Variants in FSCN2 observed in about 807,000 individuals in gnomAD.
The protein encoded by FSCN2 is fascin actin-bundling protein 2, retinal, also known as fascin-2.
Under a neutral mutation model 37.8 loss-of-function variants are expected in FSCN2, and 46 were observed. The ratio of observed to expected loss-of-function variants is 1.22; its 90% CI spans 0.96 to 1.56. The LOEUF is 1.56. Among genes scored for constraint, FSCN2 ranks in the 40% most tolerant of loss-of-function variants. The pLI, the probability that FSCN2 is intolerant of heterozygous loss-of-function variation, is 0.00. For synonymous variants in FSCN2, 351 were observed against 309.4 expected (o/e 1.13, Z -1.41); for missense variants, 844 against 730.4 (o/e 1.16, Z -1.79).
At position 81,528,795 on chromosome 17, in the gene FSCN2, C is replaced by T; in HGVS notation, c.264C>T (p.Cys88=). ...ACEAEQPGRD[C]RFLVLPQPDG... ...AGGCAGAGCAGCCGGGCCGTGACTG[C>T]CGCTTCCTGGTCCTGCCGCAGCCAG... The change falls in exon 1 of 5, where the codon TGC becomes TGT. Residue 88 remains cysteine, a synonymous_variant. Coordinates refer to ENST00000417245, the MANE Select transcript of FSCN2 (RefSeq NM_012418.4). The T allele has an allele frequency of 6.4e-7, 1 of 1,564,842 alleles. No homozygotes were observed. Among genetic ancestry groups the T allele is most frequent in the Non-Finnish European group, 8.6e-7 (1 of 1,156,946 alleles).
chr17:81,525,940 C>T (rs1555670047), upstream of FSCN2, among the ~76,000 whole-genome samples: 4 of 152,282 alleles, frequency 2.6e-5, no homozygotes, highest in South Asian at 2.1e-4. Flanking sequence ...CCCAGGCGCC[C>T]ACCCTTCAGT....
intron 1 of FSCN2, among the ~76,000 whole-genome samples, chr17:81,529,836 G>A (rs1278597684): frequency 6.6e-6 from 1 of 152,234 alleles, no homozygotes; most frequent in Non-Finnish European, 1.5e-5. Context: ...TTGAGACAGA[G>A]TCTCGCTCTG....
chr17:81,525,623 G>T (rs1297162439), upstream of FSCN2, among the ~76,000 whole-genome samples: 1 of 151,954 alleles, frequency 6.6e-6, no homozygotes. Flanking sequence ...AACTCGGGAG[G>T]CCGAGGCAGG....
intron 1 of FSCN2, among the ~76,000 whole-genome samples, chr17:81,531,690 ATGG>A (rs2032620345): frequency 1.1e-4 from 12 of 108,632 alleles, no homozygotes; most frequent in East Asian, 2.9e-4. Context: ...GATGGTGATG[ATGG>A]TGATGGTGAT....
intron 1 of FSCN2, among the ~76,000 whole-genome samples, chr17:81,533,917 G>A (rs1480736504): frequency 1.3e-5 from 2 of 152,156 alleles, no homozygotes; most frequent in Non-Finnish European, 2.9e-5. Context: ...CAGGGACGGC[G>A]TTCCCACACC....
At position 81,535,199 on chromosome 17, in the gene FSCN2, C is replaced by A; in HGVS notation, c.974C>A (p.Ala325Asp). The stretch of plus-strand genomic sequence containing the variant: ...ACCCATGGGGGCATTCACGCCACAG[C>A]CACACAAGTGTGAGTGCACACATCC... ...LVTHGGIHAT[A>D]TQVSANTMFE... The change falls in exon 2 of 5, where the codon GCC (alanine) becomes GAC (aspartate). Residue 325 changes from alanine (A) to aspartate (D), a missense_variant. Transcript: ENST00000417245. 1 of 1,531,144 alleles carries A rather than the reference C, an allele frequency of 6.5e-7. No homozygotes were observed. Among genetic ancestry groups the A allele is most frequent in the Middle Eastern group, 1.7e-4 (1 of 5,962 alleles). The allele number at this position is 1,531,144 out of a possible 1,614,324, so 94.8% of individuals were successfully genotyped here. A position where few individuals can be genotyped will look rare whatever the true frequency, so the allele number is the denominator to read the frequency against.
upstream of FSCN2, among the ~76,000 whole-genome samples, chr17:81,525,423 C>G (rs1555669983): frequency 1.9e-5 from 1 of 52,782 alleles, no homozygotes; most frequent in South Asian, 4.0e-4. Flanking sequence ...AAGACTCTGT[C>G]TCAAAAAAAA....
intron 1 of FSCN2, among the ~76,000 whole-genome samples, chr17:81,531,126 A>G (rs1266004921): frequency 2.7e-5 from 4 of 149,932 alleles, no homozygotes; most frequent in Middle Eastern, 3.4e-3. Context: ...CGGTGGTGAC[A>G]GTGTGGTGGC....
intron 1 of FSCN2, among the ~76,000 whole-genome samples, chr17:81,534,379 T>C (rs565759144): frequency 1.3e-5 from 2 of 152,274 alleles, no homozygotes; most frequent in Admixed American, 1.3e-4. Flanking sequence ...TCCCAGTGTC[T>C]GGCTGCCATG....
At chr17:81,532,021 T>C (rs552638028) in intron 1 of FSCN2, among the ~76,000 whole-genome samples, 1 of 110,576 alleles carries the variant, frequency 9.0e-6, no homozygotes, top group East Asian at 3.5e-4. Context: ...GTGGTGGTGA[T>C]GATAGTGATG....
chr17:81,530,173 G>A (rs199864768), intron 1 of FSCN2: 9 of 279,068 alleles, frequency 3.2e-5, no homozygotes, highest in South Asian at 2.0e-4. Flanking sequence ...GCTGGGGATC[G>A]GGCGGGGATA....
At chr17:81,531,780 GTGA>G (rs2032632770) in intron 1 of FSCN2, among the ~76,000 whole-genome samples, 2 of 126,070 alleles carry the variant, frequency 1.6e-5, no homozygotes, top group Admixed American at 8.0e-5. Flanking sequence ...GATAGTGATG[GTGA>G]TGATGGTGAT....
At chr17:81,520,149 G>A in the FSCN2 span, among the ~76,000 whole-genome samples, 6 of 152,306 alleles carry the variant, frequency 3.9e-5, no homozygotes, top group East Asian at 1.9e-4. Flanking sequence ...GGCTGGCTCC[G>A]GGAAAGTCAG....
the FSCN2 span, among the ~76,000 whole-genome samples, chr17:81,522,820 G>C: frequency 1.3e-5 from 2 of 152,168 alleles, no homozygotes; most frequent in Non-Finnish European, 2.9e-5. Context: ...TGATCTGTTC[G>C]TCACTCTAAG....
At chr17:81,531,276 G>GTGGTGATGGTGATGGTGGTGA (rs2032555873) in intron 1 of FSCN2, among the ~76,000 whole-genome samples, 1 of 81,414 alleles carries the variant, frequency 1.2e-5, no homozygotes. Context: ...GGTGATGGCG[G>GTGGTGATGGTGATGGTGGTGA]TGGTGATGGT....
chr17:81,516,588 T>C, the FSCN2 span, among the ~76,000 whole-genome samples: 1 of 152,128 alleles, frequency 6.6e-6, no homozygotes, highest in Non-Finnish European at 1.5e-5. Context: ...CCAAGGCTGG[T>C]CCCGGTGGGC....
chr17:81,519,233 C>G, the FSCN2 span: 1 of 152,312 alleles, frequency 6.6e-6, no homozygotes, highest in Non-Finnish European at 1.5e-5. Flanking sequence ...GGCCCGCGCT[C>G]CTGCGCCCCC....
intron 1 of FSCN2, among the ~76,000 whole-genome samples, chr17:81,533,117 G>C (rs1337940296): frequency 6.6e-6 from 1 of 152,096 alleles, no homozygotes. Flanking sequence ...ACCCCTACCC[G>C]GCCTCTGTGG....
At chr17:81,529,595 C>T (rs781944445) in intron 1 of FSCN2, 1 of 742,472 alleles carries the variant, frequency 1.3e-6, no homozygotes, top group South Asian at 1.4e-5. Context: ...GGCAAGGGTT[C>T]CTGGCCTTTC....
Sources: gnomAD v4.1 joint callset for allele counts (sites outside exome capture counted in the v4.1 genomes callset) on GRCh38, gnomAD v4.1.1 for gene constraint, MANE v1.5 for transcripts, NCBI Gene and HGNC (gene_info 2026-07-23, HGNC 2026-07-21) for gene names.